The following STX19 variants were observed in gnomAD, a reference collection of about 807,000 sequenced individuals.
The protein encoded by STX19 is syntaxin 19, also known as syntaxin-19.
STX19 carries 26 observed loss-of-function variants against 24.3 expected under a neutral mutation model. That is an observed-to-expected ratio of 1.07 (90% CI 0.78 to 1.48). The LOEUF (loss-of-function observed/expected upper bound fraction) is 1.48. Ranked by LOEUF, STX19 falls within the 40% of genes most tolerant of loss-of-function variation. The pLI is 0.00. For missense variants in STX19, 367 were observed against 331.9 expected (o/e 1.11, Z -0.82); for synonymous variants, 116 against 106.9 (o/e 1.09, Z -0.52).
chr3:94,015,423 A>G (rs2076310940), intron 1 of STX19, 141 bp from the exon 2 acceptor site: 1 of 540,706 alleles, frequency 1.8e-6, no homozygotes, highest in African/African-American at 1.9e-5. Context: ...AGAAAAAACC[A>G]ATGAGTTTCC....
chr3:94,026,362 G>A (rs2076558336), intron 1 of STX19, among the ~76,000 whole-genome samples: 1 of 152,108 alleles, frequency 6.6e-6, no homozygotes, highest in Admixed American at 6.5e-5. Flanking sequence ...TGTGCATTTT[G>A]ACTGAAAGTC....
In STX19 at chr3:94,015,221, G is replaced by C. The variant is rs1361599470; in HGVS notation, c.49C>G (p.Leu17Val). Residue 17 changes from leucine to valine, a missense_variant, in exon 2 of 2, where the codon CTC becomes GTC. Physicochemically the swap from Leu to Val is conservative, Grantham distance 32 (BLOSUM62 1). Transcript: ENST00000315099. ...ELKQRTKEIELSRDSHVSTTE... is the reference protein window; with the variant it reads ...ELKQRTKEIEVSRDSHVSTTE... The stretch of plus-strand genomic sequence containing the variant: ...GTTGATACATGACTGTCTCTAGAGA[G>C]TTCAATTTCCTTTGTTCTCTGCTTT... The C allele has an allele frequency of 3.1e-6, 5 of 1,589,082 alleles. No individual in the cohort carries two copies. Among genetic ancestry groups the C allele is most frequent in the Non-Finnish European group, 4.3e-6 (5 of 1,172,122 alleles).
chr3:94,016,710 G>A (rs181990503), intron 1 of STX19, among the ~76,000 whole-genome samples: 101 of 150,386 alleles, frequency 6.7e-4, no homozygotes, highest in African/African-American at 2.4e-3. Context: ...GCAGTGGTGC[G>A]ACCTCAGCTC....
intron 1 of STX19, among the ~76,000 whole-genome samples, chr3:94,021,182 T>TA (rs2076440195): frequency 1.4e-5 from 2 of 146,432 alleles, no homozygotes; most frequent in African/African-American, 5.0e-5. Flanking sequence ...TTTAATATTA[T>TA]TATATATATA....
intron 1 of STX19, among the ~76,000 whole-genome samples, chr3:94,018,690 G>T (rs939256698): frequency 6.6e-6 from 1 of 152,126 alleles, no homozygotes; most frequent in African/African-American, 2.4e-5. Context: ...TAATCTTCCT[G>T]TGAACCCGTA....
intron 1 of STX19, among the ~76,000 whole-genome samples, chr3:94,018,985 CA>C (rs894488714): frequency 6.6e-6 from 1 of 152,002 alleles, no homozygotes; most frequent in African/African-American, 2.4e-5. Flanking sequence ...AGGCTGGTCG[CA>C]AACTCCTGAT....
At chr3:94,018,520 A>T (rs1478533629) in intron 1 of STX19, among the ~76,000 whole-genome samples, 1 of 152,098 alleles carries the variant, frequency 6.6e-6, no homozygotes, top group African/African-American at 2.4e-5. Flanking sequence ...GGAAGATTTT[A>T]GACTGAGTCT....
At chr3:94,025,449 A>G (rs923494066) in intron 1 of STX19, among the ~76,000 whole-genome samples, 2 of 152,182 alleles carry the variant, frequency 1.3e-5, no homozygotes, top group Admixed American at 1.3e-4. Flanking sequence ...TCTTTTGAAC[A>G]TTTAGAGAAT....
At chr3:94,024,985 T>C (rs892786364) in intron 1 of STX19, among the ~76,000 whole-genome samples, 1 of 152,212 alleles carries the variant, frequency 6.6e-6, no homozygotes, top group Non-Finnish European at 1.5e-5. Context: ...CAAATTGCTA[T>C]TGGAGCACAG....
chr3:94,015,224 C>A lies in STX19; in HGVS notation c.46G>T (p.Glu16Ter), dbSNP rs202204043. The change falls in exon 2 of 2, where the codon GAA becomes TAA. Residue 16 changes from glutamate to a stop codon, truncating the protein, a stop_gained. Transcript: ENST00000315099. LOFTEE classifies it high-confidence loss of function. ...QELKQRTKEI[E>*]LSRDSHVSTT... ...GATACATGACTGTCTCTAGAGAGTT[C>A]AATTTCCTTTGTTCTCTGCTTTAGT... The A allele has an allele frequency of 1.9e-6, 3 of 1,589,486 alleles. No homozygotes were observed. The highest frequency in any genetic ancestry group is 1.4e-5 in the African/African-American group (1 of 73,410).
At position 94,014,471 on chromosome 3, in the gene STX19, T is replaced by TTA. The variant is rs2076284992; in HGVS notation, c.798_799insTA (p.Lys267Ter). ...TTGTATTTTACAGCTAGTCCAAATT[T>TTA]CTCTTTAGTATTGTTAACATACTCT... On this transcript the variant is annotated frameshift_variant, in exon 2 of 2. Coordinates refer to ENST00000315099, the MANE Select transcript of STX19 (RefSeq NM_001001850.3). LOFTEE classifies it high-confidence loss of function. 1 of 1,605,872 alleles carries TTA rather than the reference T, an allele frequency of 6.2e-7. No homozygotes were observed. The highest frequency in any genetic ancestry group is 1.1e-5 in the South Asian group (1 of 88,658).
At position 94,014,567 on chromosome 3, in the gene STX19, G is replaced by A; in HGVS notation, c.703C>T (p.Gln235Ter). 6.2e-7 allele frequency: 1 copy of A among 1,611,998 alleles called. No individual in the cohort carries two copies. Among genetic ancestry groups the A allele is most frequent in the Admixed American group, 1.7e-5 (1 of 59,690 alleles). Reference sequence around the variant, plus strand: ...TGTTCCTCTACTAAAAGAGATATCTGAATGAAAAGATCCCTTAAATCCTTT... The same window carrying A: ...TGTTCCTCTACTAAAAGAGATATCTAAATGAAAAGATCCCTTAAATCCTTT... The part of the protein sequence containing the change: ...QIKDLRDLFI[Q>*]ISLLVEEQGE... The change falls in exon 2 of 2, where the codon CAG becomes TAG. Residue 235 changes from glutamine to a stop codon, truncating the protein, a stop_gained. Coordinates refer to ENST00000315099, the MANE Select transcript of STX19 (RefSeq NM_001001850.3). LOFTEE classifies it high-confidence loss of function.
chr3:94,014,714 G>A lies in STX19; in HGVS notation c.556C>T (p.Leu186Phe), dbSNP rs775427835. Residue 186 changes from leucine (L) to phenylalanine (F), a missense_variant, in exon 2 of 2, where the codon CTT becomes TTT. By Grantham distance (22) the Leu-to-Phe change is conservative. Coordinates refer to ENST00000315099, the MANE Select transcript of STX19 (RefSeq NM_001001850.3). The stretch of plus-strand genomic sequence containing the variant: ...AAAACTTCCCATTTTCCTTGATGAA[G>A]CATATCATTTACATCTTCTTCAGAC... ...EMSEEDVNDM[L>F]HQGKWEVFNE... 4 of 1,612,876 alleles carry A rather than the reference G, an allele frequency of 2.5e-6. No individual in the cohort carries two copies. Among genetic ancestry groups the A allele is most frequent in the Non-Finnish European group, 2.5e-6 (3 of 1,179,758 alleles).
rs537036896 is a variant in STX19 at position 94,023,689 on chromosome 3, T to G, written c.-14+4678A>C. Reference sequence around the variant, plus strand: ...AGATCCTACGTTTAGACATATCTACTTGATTGCAAATCTGTTCTTTTTCCC... The same window carrying G: ...AGATCCTACGTTTAGACATATCTACGTGATTGCAAATCTGTTCTTTTTCCC... On this transcript the variant is annotated intron_variant, in intron 1 of 1. Coordinates refer to ENST00000315099, the MANE Select transcript of STX19 (RefSeq NM_001001850.3). Among the ~76,000 whole-genome samples the G allele has an allele frequency of 3.9e-5, 6 of 152,330 alleles. No homozygotes were observed. In the East Asian group the frequency reaches 1.2e-3, roughly 29 times the overall value.
chr3:94,020,638 T>G (rs1480837432), intron 1 of STX19, among the ~76,000 whole-genome samples: 1 of 152,104 alleles, frequency 6.6e-6, no homozygotes, highest in Non-Finnish European at 1.5e-5. Context: ...GGAAAAGGTG[T>G]TTTATAGATA....
intron 1 of STX19, among the ~76,000 whole-genome samples, chr3:94,017,738 G>A (rs1251091481): frequency 1.3e-5 from 2 of 152,164 alleles, no homozygotes; most frequent in Non-Finnish European, 2.9e-5. Context: ...TTTGAGATGT[G>A]AGACTGAATG....
At position 94,014,474 on chromosome 3, in the gene STX19, C is replaced by G. The variant is rs375093166; in HGVS notation, c.796G>C (p.Glu266Gln). 5.6e-6 allele frequency: 9 copies of G among 1,607,394 alleles called. 1 individual carries two copies. The highest frequency in any genetic ancestry group is 7.6e-6 in the Non-Finnish European group (9 of 1,178,270). The change falls in exon 2 of 2, where the codon GAG (glutamate) becomes CAG (glutamine). Residue 266 changes from glutamate (E) to glutamine (Q), a missense_variant. Transcript: ENST00000315099. ...STKEYVNNTK[E>Q]KFGLAVKYKK... is the part of the protein sequence containing the mutation. ...TATTTTACAGCTAGTCCAAATTTCT[C>G]TTTAGTATTGTTAACATACTCTTTT... is the stretch of plus-strand genomic sequence containing the variant.
At chr3:94,023,464 A>T (rs1020254298) in intron 1 of STX19, among the ~76,000 whole-genome samples, 2 of 152,082 alleles carry the variant, frequency 1.3e-5, no homozygotes, top group African/African-American at 4.8e-5. Flanking sequence ...TTTTCAACCT[A>T]GAAACTCATG....
chr3:94,021,699 G>A (rs2076452076), intron 1 of STX19, among the ~76,000 whole-genome samples: 1 of 152,126 alleles, frequency 6.6e-6, no homozygotes, highest in Non-Finnish European at 1.5e-5. Flanking sequence ...GGTTGGCTTA[G>A]TAATTTATCT....
Sources: gnomAD v4.1 joint callset for allele counts (sites outside exome capture counted in the v4.1 genomes callset) on GRCh38, gnomAD v4.1.1 for gene constraint, MANE v1.5 for transcripts, NCBI Gene and HGNC (gene_info 2026-07-23, HGNC 2026-07-21) for gene names.